Variants in EPB41 observed in about 807,000 individuals in gnomAD.
EPB41 encodes protein 4.1.
A neutral mutation model predicts 108.0 loss-of-function variants in EPB41; 65 were observed. That is an observed-to-expected ratio of 0.60 (90% CI 0.49 to 0.74). The LOEUF is 0.74. Ranked by LOEUF, EPB41 falls within the 30% of genes least tolerant of loss-of-function variation. The pLI is 0.00. For missense variants in EPB41, 875 were observed against 1,037.0 expected (o/e 0.84, Z 2.15); for synonymous variants, 336 against 358.9 (o/e 0.94, Z 0.72).
intron 1 of EPB41, among the ~76,000 whole-genome samples, chr1:28,901,169 T>C (rs944983351): frequency 1.3e-5 from 2 of 152,018 alleles, no homozygotes; most frequent in African/African-American, 4.8e-5. Context: ...GACCTTGTGA[T>C]CCGCCCGCCT....
chr1:29,083,819 A>C (rs1056316967), intron 16 of EPB41, among the ~76,000 whole-genome samples: 5 of 152,158 alleles, frequency 3.3e-5, no homozygotes, highest in Non-Finnish European at 4.4e-5. Flanking sequence ...GCTGAGACTT[A>C]ATCTTGTCAT....
At chr1:28,983,273 ATTTG>A (rs2095799483) in intron 1 of EPB41, among the ~76,000 whole-genome samples, 1 of 152,216 alleles carries the variant, frequency 6.6e-6, no homozygotes, top group Non-Finnish European at 1.5e-5. Flanking sequence ...ACAAGGATTT[ATTTG>A]TTGAGCACTT....
rs1399483020 is a variant in EPB41, at chr1:29,039,389, T to C, written c.1599T>C (p.Arg533=). The C allele has an allele frequency of 1.2e-6, 2 of 1,614,124 alleles. No homozygotes were observed. Among genetic ancestry groups the C allele is most frequent in the Non-Finnish European group, 1.7e-6 (2 of 1,180,036 alleles). The change falls in exon 11 of 21, where the codon CGT becomes CGC. Residue 533 remains arginine, a synonymous_variant. Coordinates refer to ENST00000343067, the MANE Select transcript of EPB41 (RefSeq NM_001376013.1). ...LIDRPAPHFE[R]TASKRASRSL... ...ACAGGCCTGCCCCACACTTCGAGCG[T>C]ACAGCAAGTAAACGGGCGTCCCGGA...
intron 4 of EPB41, among the ~76,000 whole-genome samples, chr1:29,009,734 A>G (rs1270789778): frequency 6.6e-6 from 1 of 152,182 alleles, no homozygotes; most frequent in Non-Finnish European, 1.5e-5. Context: ...CACCCAGGTC[A>G]CGCCTTTCTG....
At chr1:28,974,850 C>T (rs541534941) in intron 1 of EPB41, among the ~76,000 whole-genome samples, 2 of 151,188 alleles carry the variant, frequency 1.3e-5, no homozygotes, top group African/African-American at 2.4e-5. Flanking sequence ...GCTGGAGTGC[C>T]GTGGCGTGAT....
rs1014067139 is a variant in EPB41, at chr1:29,034,640, C to G, written c.1366-1186C>G. 2.4e-4 allele frequency among the ~76,000 whole-genome samples: 37 copies of G among 152,064 alleles called. 1 individual carries two copies. The highest frequency in any genetic ancestry group is 5.9e-5 in the Non-Finnish European group (4 of 68,016). Reference sequence around the variant, plus strand: ...TATGCTTAAAGTAGAAATAAAGAGGCAAGAGGTCAGCAGGACAGTGTTTCT... The same window carrying G: ...TATGCTTAAAGTAGAAATAAAGAGGGAAGAGGTCAGCAGGACAGTGTTTCT... On this transcript the variant is annotated intron_variant, in intron 9 of 20. Transcript: ENST00000343067.
Position 29,042,515 on chromosome 1 carries a change from G to C in EPB41, c.1636+3089G>C, listed in dbSNP as rs1034575452. 3.9e-5 allele frequency among the ~76,000 whole-genome samples: 6 copies of C among 151,922 alleles called. No homozygotes were observed. In the East Asian group the frequency reaches 1.2e-3, roughly 29 times the overall value. On this transcript the variant is annotated intron_variant, in intron 11 of 20. Transcript: ENST00000343067. Reference sequence around the variant, plus strand: ...TTTTTTTGAGACAGAGCCTCACTCTGTCACCCAAGCTGGAGTGCAGTGGCA... The same window carrying C: ...TTTTTTTGAGACAGAGCCTCACTCTCTCACCCAAGCTGGAGTGCAGTGGCA...
At chr1:29,004,794 T>G (rs1329428111) in intron 4 of EPB41, among the ~76,000 whole-genome samples, 2 of 152,166 alleles carry the variant, frequency 1.3e-5, no homozygotes, top group African/African-American at 4.8e-5. Context: ...ATAACATAAC[T>G]TGGAGCAGTG....
intron 1 of EPB41, among the ~76,000 whole-genome samples, chr1:28,915,848 A>G (rs1025055606): frequency 2.8e-5 from 4 of 144,394 alleles, no homozygotes; most frequent in Non-Finnish European, 6.0e-5. Context: ...ATATTATTAT[A>G]GTGGATTTAT....
At chr1:29,045,781 T>C (rs1372468730) in intron 11 of EPB41, among the ~76,000 whole-genome samples, 1 of 132,214 alleles carries the variant, frequency 7.6e-6, no homozygotes, top group Admixed American at 8.9e-5. Context: ...AAGACCAGCC[T>C]GGGCAACATG....
At chr1:29,004,211 A>G (rs2096357774) in intron 4 of EPB41, among the ~76,000 whole-genome samples, 1 of 152,204 alleles carries the variant, frequency 6.6e-6, no homozygotes, top group Non-Finnish European at 1.5e-5. Context: ...AGTCACTTAC[A>G]TTAATTCCAT....
At chr1:29,038,450 T>C (rs920141345) in intron 10 of EPB41, among the ~76,000 whole-genome samples, 1 of 152,220 alleles carries the variant, frequency 6.6e-6, no homozygotes, top group Non-Finnish European at 1.5e-5. Flanking sequence ...AATCTAATGC[T>C]CCCTTACATA....
chr1:29,068,211 T>C (rs1398204595), intron 16 of EPB41, among the ~76,000 whole-genome samples: 3 of 152,220 alleles, frequency 2.0e-5, no homozygotes, highest in Non-Finnish European at 4.4e-5. Context: ...CTTGTCGCTA[T>C]TTCACCCAGT....
intron 4 of EPB41, among the ~76,000 whole-genome samples, chr1:28,997,970 A>G (rs1386048466): frequency 6.6e-6 from 1 of 152,228 alleles, no homozygotes; most frequent in East Asian, 1.9e-4. Flanking sequence ...AATATTTAAC[A>G]TAAATATAAT....
intron 1 of EPB41, among the ~76,000 whole-genome samples, chr1:28,962,949 C>A (rs997694683): frequency 2.0e-5 from 3 of 152,010 alleles, no homozygotes; most frequent in African/African-American, 7.2e-5. Context: ...AAGATATTCT[C>A]TATTCCTTTG....
rs1572789157 is a variant in EPB41, at chr1:29,033,083, T to G, written c.1213-10T>G. On this transcript the variant is annotated splice_polypyrimidine_tract_variant and intron_variant, in intron 8 of 20. Coordinates refer to ENST00000343067, the MANE Select transcript of EPB41 (RefSeq NM_001376013.1). ...CTCCAGACTGAAATCCTAACATTTT[T>G]CTTTTTCAGGACTTGGAAGGAGTAG... 1.2e-6 allele frequency: 2 copies of G among 1,613,714 alleles called. No homozygotes were observed. Among genetic ancestry groups the G allele is most frequent in the African/African-American group, 2.7e-5 (2 of 75,062 alleles).
chr1:29,080,106 T>TTATG (rs1228316628), intron 16 of EPB41, among the ~76,000 whole-genome samples: 1 of 116,256 alleles, frequency 8.6e-6, no homozygotes, highest in Non-Finnish European at 1.8e-5. Context: ...CATTATTTAT[T>TTATG]TATTTATTTA....
chr1:28,902,955 G>T (rs549349210), intron 1 of EPB41, among the ~76,000 whole-genome samples: 1 of 152,264 alleles, frequency 6.6e-6, no homozygotes, highest in East Asian at 1.9e-4. Flanking sequence ...TTGGGTTCTG[G>T]ACTCACACAC....
rs181645709 is a variant in EPB41 at position 28,903,769 on chromosome 1, G to A, written c.-8+16559G>A. On this transcript the variant is annotated intron_variant, in intron 1 of 16. Coordinates refer to the EPB41 transcript ENST00000347529. The stretch of plus-strand genomic sequence containing the variant: ...CTCCACTTTATAGAAAAGGAAGGGA[G>A]GGGAAGTGAATTGCCTGGACTCGCA... 7.2e-5 allele frequency among the ~76,000 whole-genome samples: 11 copies of A among 152,304 alleles called. No homozygotes were observed. In the East Asian group the frequency reaches 2.1e-3, roughly 29 times the overall value.
Sources: gnomAD v4.1 joint callset for allele counts (sites outside exome capture counted in the v4.1 genomes callset) on GRCh38, gnomAD v4.1.1 for gene constraint, MANE v1.5 for transcripts, NCBI Gene and HGNC (gene_info 2026-07-23, HGNC 2026-07-21) for gene names.